The following MAGI2 variants were observed in gnomAD, a reference collection of about 807,000 sequenced individuals.
MAGI2 encodes membrane-associated guanylate kinase, WW and PDZ domain-containing protein 2.
In MAGI2, 35 loss-of-function variants were observed where a neutral mutation model predicts 133.3. The observed-to-expected ratio is 0.26, with a 90% CI of 0.20 to 0.35. The LOEUF (loss-of-function observed/expected upper bound fraction) is 0.35. MAGI2 is among the 10% of genes least tolerant of loss of function. The pLI is 1.00. For missense variants in MAGI2, 1,636 were observed against 1,863.4 expected, an observed-to-expected ratio of 0.88 and a Z score of 2.25; for synonymous variants, 729 against 710.6, an observed-to-expected ratio of 1.03 and a Z score of -0.41.
intron 3 of MAGI2, among the ~76,000 whole-genome samples, chr7:78,549,333 C>T (rs1329182619): frequency 6.6e-6 from 1 of 152,014 alleles, no homozygotes. Context: ...TGGATCAAGA[C>T]AAAAGTAAGA....
chr7:78,948,428 T>C (rs1584475741), intron 2 of MAGI2, among the ~76,000 whole-genome samples: 1 of 152,142 alleles, frequency 6.6e-6, no homozygotes, highest in Non-Finnish European at 1.5e-5. Flanking sequence ...TGTGAATTTT[T>C]ATACTCTGAT....
intron 10 of MAGI2, among the ~76,000 whole-genome samples, chr7:78,208,307 A>G (rs1787331278): frequency 6.6e-6 from 1 of 152,016 alleles, no homozygotes; most frequent in Admixed American, 6.6e-5. Flanking sequence ...GAGCCATCCA[A>G]CCATTTCAAG....
chr7:78,115,616 A>AT (rs34860728), intron 20 of MAGI2, among the ~76,000 whole-genome samples: 126,337 of 152,036 alleles, frequency 0.83, 52,874 homozygotes, highest in Non-Finnish European at 0.88. Flanking sequence ...AATGAGAAGG[A>AT]TTGATTCACC....
intron 9 of MAGI2, among the ~76,000 whole-genome samples, chr7:78,322,267 C>A (rs1352146531): frequency 6.6e-6 from 1 of 152,146 alleles, no homozygotes; most frequent in Non-Finnish European, 1.5e-5. Context: ...TGGGTATACA[C>A]CCAAAGGATT....
chr7:79,055,731 G>A (rs905117444), intron 1 of MAGI2, among the ~76,000 whole-genome samples: 1 of 152,150 alleles, frequency 6.6e-6, no homozygotes, highest in Admixed American at 6.5e-5. Flanking sequence ...ATGCAACTAT[G>A]AACTTAGAGC....
In MAGI2 at chr7:78,149,905, A is replaced by C. The variant is rs997403630; in HGVS notation, c.2845+10120T>G. ...TGGAGAGGTCAGATTGAAAAATGAAAATGGCAATGGCACACTCCACTATTT... is the reference window on the plus strand; with the variant it reads ...TGGAGAGGTCAGATTGAAAAATGAACATGGCAATGGCACACTCCACTATTT... On this transcript the variant is annotated intron_variant, in intron 16 of 21. Coordinates refer to ENST00000354212, the MANE Select transcript of MAGI2 (RefSeq NM_012301.4). 5.3e-5 allele frequency among the ~76,000 whole-genome samples: 8 copies of C among 152,134 alleles called. No homozygotes were observed. The South Asian group carries it at 6.2e-4, about 12-fold the overall frequency.
chr7:78,920,618 T>C (rs1799148896), intron 2 of MAGI2, among the ~76,000 whole-genome samples: 1 of 152,174 alleles, frequency 6.6e-6, no homozygotes, highest in African/African-American at 2.4e-5. Flanking sequence ...CTACTGTGTC[T>C]GGTTTAGTTC....
At chr7:78,657,555 A>T (rs191794173) in intron 2 of MAGI2, among the ~76,000 whole-genome samples, 1 of 152,342 alleles carries the variant, frequency 6.6e-6, no homozygotes, top group African/African-American at 2.4e-5. Flanking sequence ...AAAGATGCCA[A>T]TGTGAAAAGG....
At chr7:78,376,265 T>C (rs747618828) in intron 6 of MAGI2, among the ~76,000 whole-genome samples, 1 of 152,110 alleles carries the variant, frequency 6.6e-6, no homozygotes, top group East Asian at 1.9e-4. Context: ...AAACTGAATA[T>C]AGAAAATGTT....
At chr7:78,590,783 C>A (rs549825453) in intron 3 of MAGI2, among the ~76,000 whole-genome samples, 3 of 152,322 alleles carry the variant, frequency 2.0e-5, no homozygotes, top group African/African-American at 4.8e-5. Context: ...ACTGATTCTA[C>A]TACAGGTTAA....
chr7:78,347,339 T>C (rs554436455), intron 7 of MAGI2: 3 of 152,340 alleles, frequency 2.0e-5, no homozygotes, highest in African/African-American at 7.2e-5. Context: ...AAGTCAACCG[T>C]AAGATCTAAT....
At chr7:78,439,919 A>G (rs1025406485) in intron 6 of MAGI2, among the ~76,000 whole-genome samples, 5 of 152,128 alleles carry the variant, frequency 3.3e-5, no homozygotes, top group Non-Finnish European at 7.3e-5. Context: ...GTGCCTAGTG[A>G]GCACTTAAAA....
intron 6 of MAGI2, among the ~76,000 whole-genome samples, chr7:78,421,912 T>A (rs1425509507): frequency 6.6e-6 from 1 of 152,188 alleles, no homozygotes; most frequent in Non-Finnish European, 1.5e-5. Flanking sequence ...AATGGATTTG[T>A]GTGGAAATTT....
intron 1 of MAGI2, among the ~76,000 whole-genome samples, chr7:79,013,055 GACAA>G: frequency 6.6e-6 from 1 of 152,116 alleles, no homozygotes; most frequent in East Asian, 1.9e-4. Flanking sequence ...ATGAGTTTTG[GACAA>G]ACATTCAGTC....
At chr7:78,083,491 A>G (rs1816282684) in intron 20 of MAGI2, among the ~76,000 whole-genome samples, 1 of 151,710 alleles carries the variant, frequency 6.6e-6, no homozygotes, top group African/African-American at 2.4e-5. Flanking sequence ...CTCTGTGTGC[A>G]CTGCATTATG....
chr7:78,387,196 C>T (rs550817964), intron 6 of MAGI2, among the ~76,000 whole-genome samples: 2 of 152,244 alleles, frequency 1.3e-5, no homozygotes, highest in South Asian at 4.1e-4. Flanking sequence ...GATGTAAAGA[C>T]AGAGTCAGAA....
chr7:79,218,945 G>C (rs1006929034), intron 1 of MAGI2, among the ~76,000 whole-genome samples: 1 of 152,000 alleles, frequency 6.6e-6, no homozygotes, highest in African/African-American at 2.4e-5. Context: ...ATATTGCTAA[G>C]ATGTCCCTGA....
chr7:79,294,656 T>C (rs1836770087), intron 1 of MAGI2, among the ~76,000 whole-genome samples: 1 of 149,278 alleles, frequency 6.7e-6, no homozygotes, highest in Non-Finnish European at 1.5e-5. Context: ...CCCGACCTGA[T>C]CAAGTCAGCA....
intron 2 of MAGI2, among the ~76,000 whole-genome samples, chr7:78,876,783 G>T (rs546663235): frequency 9.5e-4 from 145 of 152,282 alleles, no homozygotes; most frequent in South Asian, 2.1e-3. Context: ...GCAATGAATG[G>T]TCCATGCCTA....
Sources: allele counts gnomAD v4.1 joint callset (sites outside exome capture counted in the v4.1 genomes callset), GRCh38; gene constraint gnomAD v4.1.1; transcripts MANE v1.5; gene names NCBI Gene and HGNC (gene_info 2026-07-23, HGNC 2026-07-21).